The following PLCB1 variants were observed in gnomAD, a reference collection of about 807,000 sequenced individuals.
PLCB1 encodes the protein 1-phosphatidylinositol 4,5-bisphosphate phosphodiesterase beta-1.
PLCB1 carries 46 observed loss-of-function variants against 161.8 expected under a neutral mutation model. That is an observed-to-expected ratio of 0.28 (90% CI 0.22 to 0.36). PLCB1 has a LOEUF of 0.36. PLCB1 is among the 10% of genes least tolerant of loss of function. The probability of loss-of-function intolerance (pLI) is 1.00; values close to 1 mark genes in which losing one functional copy is unlikely to be tolerated. For synonymous variants in PLCB1, 517 were observed against 503.7 expected (o/e 1.03, Z -0.35); for missense variants, 1,016 against 1,472.5 (o/e 0.69, Z 5.07).
At chr20:8,734,799 T>A (rs1980495063) in intron 19 of PLCB1, among the ~76,000 whole-genome samples, 1 of 150,990 alleles carries the variant, frequency 6.6e-6, no homozygotes, top group South Asian at 2.1e-4. Flanking sequence ...AACTAAGAAA[T>A]TTTTTTACTG....
chr20:8,824,107 A>G (rs1028881541), intron 31 of PLCB1, among the ~76,000 whole-genome samples: 4 of 152,060 alleles, frequency 2.6e-5, no homozygotes, highest in African/African-American at 4.8e-5. Flanking sequence ...AGGATAACCA[A>G]CAAACAAAAT....
chr20:8,764,486 T>C (rs1324423607), intron 25 of PLCB1, among the ~76,000 whole-genome samples: 1 of 152,214 alleles, frequency 6.6e-6, no homozygotes, highest in Non-Finnish European at 1.5e-5. Flanking sequence ...ATAATCCTTA[T>C]AGCAATGCTG....
chr20:8,423,447 G>T (rs2122552969), intron 3 of PLCB1, among the ~76,000 whole-genome samples: 1 of 152,278 alleles, frequency 6.6e-6, no homozygotes, highest in South Asian at 2.1e-4. Context: ...TGGGGATGAG[G>T]TATCTGGATT....
At chr20:8,428,715 C>G in intron 3 of PLCB1, among the ~76,000 whole-genome samples, 1 of 152,128 alleles carries the variant, frequency 6.6e-6, no homozygotes, top group Admixed American at 6.6e-5. Context: ...GAAGTTCTAC[C>G]TGGTTCAAAT....
chr20:8,486,354 C>T (rs1469587277), intron 3 of PLCB1, among the ~76,000 whole-genome samples: 2 of 152,130 alleles, frequency 1.3e-5, no homozygotes. Flanking sequence ...TGTCACATGC[C>T]ATGGTTACTT....
chr20:8,619,275 C>G (rs933302903), intron 3 of PLCB1, among the ~76,000 whole-genome samples: 1 of 151,892 alleles, frequency 6.6e-6, no homozygotes, highest in African/African-American at 2.4e-5. Flanking sequence ...AAAAATTAGC[C>G]GGGCGTGGTG....
intron 3 of PLCB1, among the ~76,000 whole-genome samples, chr20:8,427,157 C>A (rs939317024): frequency 6.6e-6 from 1 of 152,046 alleles, no homozygotes; most frequent in Non-Finnish European, 1.5e-5. Flanking sequence ...GTGATCTGCC[C>A]GTCTCAGCCT....
chr20:8,829,773 T>C (rs1337763540), intron 31 of PLCB1, among the ~76,000 whole-genome samples: 2 of 152,210 alleles, frequency 1.3e-5, no homozygotes, highest in Non-Finnish European at 2.9e-5. Context: ...CATTAGGTTT[T>C]AAAACCAAAT....
chr20:8,158,481 C>A (rs947805423), intron 2 of PLCB1, among the ~76,000 whole-genome samples: 1 of 152,116 alleles, frequency 6.6e-6, no homozygotes, highest in African/African-American at 2.4e-5. Context: ...AGGGACACAG[C>A]CAAACCATAT....
intron 7 of PLCB1, among the ~76,000 whole-genome samples, 176 bp from the exon 8 acceptor site, chr20:8,657,008 G>T (rs1277135260): frequency 6.6e-6 from 1 of 151,860 alleles, no homozygotes; most frequent in Admixed American, 6.6e-5. Context: ...GGTGTGTTAT[G>T]AATGTTTACC....
At chr20:8,458,858 T>C (rs1040612777) in intron 3 of PLCB1, among the ~76,000 whole-genome samples, 1 of 152,208 alleles carries the variant, frequency 6.6e-6, no homozygotes, top group East Asian at 1.9e-4. Context: ...AATGAAATAA[T>C]GTTTGTACAG....
At chr20:8,787,492 G>A (rs768009139) in intron 27 of PLCB1, among the ~76,000 whole-genome samples, 6 of 152,224 alleles carry the variant, frequency 3.9e-5, no homozygotes, top group Non-Finnish European at 7.3e-5. Flanking sequence ...TTGGGAAAGA[G>A]AATCTCCATC....
intron 3 of PLCB1, among the ~76,000 whole-genome samples, chr20:8,624,256 A>G (rs1045464618): frequency 2.0e-5 from 3 of 152,168 alleles, no homozygotes; most frequent in Non-Finnish European, 4.4e-5. Context: ...TATAACTGTA[A>G]TTCAGATTGA....
intron 2 of PLCB1, among the ~76,000 whole-genome samples, chr20:8,340,935 G>A (rs992982182): frequency 5.9e-5 from 9 of 152,112 alleles, no homozygotes; most frequent in Non-Finnish European, 8.8e-5. Context: ...GCTACCTGCT[G>A]CCCACTTTGT....
At chr20:8,364,556 G>T (rs995020473) in intron 2 of PLCB1, among the ~76,000 whole-genome samples, 3 of 152,208 alleles carry the variant, frequency 2.0e-5, no homozygotes, top group Non-Finnish European at 4.4e-5. Flanking sequence ...AGTCTGACTT[G>T]TATTTTATGT....
chr20:8,437,463 T>C (rs1980362652), intron 3 of PLCB1, among the ~76,000 whole-genome samples: 1 of 152,282 alleles, frequency 6.6e-6, no homozygotes, highest in African/African-American at 2.4e-5. Context: ...TGCTATTTCA[T>C]TGTAGCACTA....
At chr20:8,151,269 G>A (rs528710054) in intron 2 of PLCB1, among the ~76,000 whole-genome samples, 1 of 152,238 alleles carries the variant, frequency 6.6e-6, no homozygotes, top group East Asian at 1.9e-4. Flanking sequence ...GATGAAGGAG[G>A]AACAAATTGT....
chr20:8,495,639 C>T (rs1221507113), intron 3 of PLCB1, among the ~76,000 whole-genome samples: 1 of 142,994 alleles, frequency 7.0e-6, no homozygotes, highest in Non-Finnish European at 1.5e-5. Flanking sequence ...CCTCGTGATC[C>T]GCCTGCCTTG....
chr20:8,231,366 G>T (rs560305311), intron 2 of PLCB1, among the ~76,000 whole-genome samples: 28 of 152,268 alleles, frequency 1.8e-4, no homozygotes, highest in Non-Finnish European at 3.5e-4. Context: ...AACCTCCCCA[G>T]TTGTGACCAT....
Sources: gnomAD v4.1 joint callset for allele counts (sites outside exome capture counted in the v4.1 genomes callset) on GRCh38, gnomAD v4.1.1 for gene constraint, MANE v1.5 for transcripts, NCBI Gene and HGNC (gene_info 2026-07-23, HGNC 2026-07-21) for gene names.